The following RNASEK variants were observed in gnomAD, a reference collection of about 807,000 sequenced individuals.
RNASEK encodes the protein ribonuclease K.
RNASEK carries 7 observed loss-of-function variants against 11.2 expected under a neutral mutation model. That is an observed-to-expected ratio of 0.62 (90% confidence interval 0.35 to 1.17). The LOEUF (loss-of-function observed/expected upper bound fraction) is 1.17, where lower values mean the gene tolerates loss of function less well. Among genes scored for constraint, RNASEK ranks in the 50% most tolerant of loss-of-function variants. The pLI is 0.02. For missense variants in RNASEK, 101 were observed against 126.7 expected (o/e 0.80, Z 0.97); for synonymous variants, 46 against 49.5 (o/e 0.93, Z 0.30).
At chr17:7,012,856 G>A (rs1567722840) in intron 1 of RNASEK, 95 bp downstream of exon 1, 5 of 1,126,384 alleles carry the variant, frequency 4.4e-6, no homozygotes, top group Non-Finnish European at 6.4e-6. Context: ...CAGGCAGGCC[G>A]GAGGGGCCGG....
At chr17:7,013,304 G>A in intron 1 of RNASEK, 1 of 1,499,574 alleles carries the variant, frequency 6.7e-7, no homozygotes, top group Non-Finnish European at 8.9e-7. Flanking sequence ...GTGTAGCTGG[G>A]CCTTGTTTTC....
At position 7,014,322 on chromosome 17, in the gene RNASEK, T is replaced by G. The variant is rs753580168; in HGVS notation, c.*36T>G. The G allele has an allele frequency of 6.2e-7, 1 of 1,611,164 alleles. No individual in the cohort carries two copies. The highest frequency in any genetic ancestry group is 1.1e-5 in the South Asian group (1 of 90,832). ...CGTTTCCCCGCTCCAGCCCCTCCTC[T>G]ATTTAAAGACTCCCTGCACCGTGTC... On this transcript the variant is annotated 3_prime_UTR_variant, in exon 3 of 3. Transcript: ENST00000593646. This position sits in a 1 kb window ranked among gnomAD's most constrained non-coding sequence, Gnocchi z 4.5.
chr17:7,014,084 G>A lies in RNASEK; in HGVS notation c.156-61G>A. On this transcript the variant is annotated intron_variant, in intron 2 of 2. Transcript: ENST00000593646. This position sits in a 1 kb window ranked among gnomAD's most constrained non-coding sequence, Gnocchi z 4.5. ...CGCCTAAACAGGTGTCGGGCACATA[G>A]TGCTCAGAAAATGTTGGCTCCTATT... The A allele has an allele frequency of 5.4e-6, 8 of 1,493,230 alleles. No homozygotes were observed. The highest frequency in any genetic ancestry group is 7.3e-6 in the Non-Finnish European group (8 of 1,094,352). 92.5% of individuals were successfully genotyped at this position (1,493,230 alleles called of 1,614,324 possible).
At chr17:7,013,208 G>A in intron 1 of RNASEK, 1 of 762,352 alleles carries the variant, frequency 1.3e-6, no homozygotes, top group Non-Finnish European at 2.0e-6. Flanking sequence ...ACCCCTCAAG[G>A]TAGGAGAAAC....
Position 7,012,636 on chromosome 17 carries a change from C to G in RNASEK, c.-48C>G. 1 of 1,606,490 alleles carries G rather than the reference C, an allele frequency of 6.2e-7. No individual in the cohort carries two copies. The highest frequency in any genetic ancestry group is 1.1e-5 in the South Asian group (1 of 90,450). On this transcript the variant is annotated 5_prime_UTR_variant, in exon 1 of 3. Coordinates refer to ENST00000593646, the MANE Select transcript of RNASEK (RefSeq NM_001004333.5). ...GAGGGCATCCTGGGCTTTCTCCCAC[C>G]GCTTTCCGAGCCCGCTTGCACCTCG...
Position 7,014,382 on chromosome 17 carries a change from TGC to T in RNASEK, c.*98_*99del. The T allele has an allele frequency of 7.4e-7, 1 of 1,355,240 alleles. No homozygotes were observed. Among genetic ancestry groups the T allele is most frequent in the Non-Finnish European group, 1.0e-6 (1 of 974,082 alleles). The allele number at this position is 1,355,240 out of a possible 1,614,324, so 84.0% of individuals were successfully genotyped here. On this transcript the variant is annotated 3_prime_UTR_variant, in exon 3 of 3. Transcript: ENST00000593646. This position sits in a 1 kb window ranked among gnomAD's most constrained non-coding sequence, Gnocchi z 4.5. The stretch of plus-strand genomic sequence containing the variant: ...GCGTCCCACCCTTGCCGGCGCCCTC[TGC>T]GGGACTGGGTTTCCCGGGCGAGAGA...
intron 1 of RNASEK, 36 bp from the exon 2 acceptor site, chr17:7,013,630 C>T (rs1291454325): frequency 6.3e-7 from 1 of 1,599,336 alleles, no homozygotes; most frequent in African/African-American, 1.3e-5. Context: ...AGGTCAGGTG[C>T]CTGAATTCAA....
intron 1 of RNASEK, 76 bp downstream of exon 1, chr17:7,012,837 T>G: frequency 1.4e-6 from 2 of 1,404,358 alleles, no homozygotes; most frequent in Non-Finnish European, 2.0e-6. Context: ...GCGAGGAAAC[T>G]CTGGGCCGCA....
intron 1 of RNASEK, chr17:7,013,040 G>A: frequency 2.1e-6 from 1 of 474,324 alleles, no homozygotes; most frequent in Non-Finnish European, 3.8e-6. Flanking sequence ...CAGGAGAATC[G>A]CTTGAATCCG....
chr17:7,014,103 T>A lies in RNASEK; in HGVS notation c.156-42T>A, dbSNP rs374599731. On this transcript the variant is annotated intron_variant, in intron 2 of 2. Coordinates refer to ENST00000593646, the MANE Select transcript of RNASEK (RefSeq NM_001004333.5). The surrounding 1 kb of genome is among the most constrained non-coding windows in gnomAD (Gnocchi z 4.5). Reference sequence around the variant, plus strand: ...CACATAGTGCTCAGAAAATGTTGGCTCCTATTAAAGTTTGACCCCTTTGCT... The same window carrying A: ...CACATAGTGCTCAGAAAATGTTGGCACCTATTAAAGTTTGACCCCTTTGCT... The A allele has an allele frequency of 2.8e-4, 434 of 1,544,944 alleles. 1 individual carries two copies. In the African/African-American group the frequency reaches 5.5e-3, roughly 20 times the overall value.
At chr17:7,013,765 CG>C in intron 2 of RNASEK, 23 bp downstream of exon 2, 2 of 592,970 alleles carry the variant, frequency 3.4e-6, no homozygotes, top group Non-Finnish European at 6.4e-6. Context: ...GTGGGGGAGG[CG>C]GGCTGGGAGC....
intron 1 of RNASEK, chr17:7,013,159 G>T: frequency 1.9e-6 from 1 of 540,330 alleles, no homozygotes; most frequent in Non-Finnish European, 3.2e-6. Context: ...GGAGCGGAGG[G>T]CCCTGGAGTG....
chr17:7,014,401 GGC>G lies in RNASEK; in HGVS notation c.*117_*118del. Reference sequence around the variant, plus strand: ...GCCCTCTGCGGGACTGGGTTTCCCGGGCGAGAGACTGAATCCCTTCTCCCATC... The same window carrying G: ...GCCCTCTGCGGGACTGGGTTTCCCGGGAGAGACTGAATCCCTTCTCCCATC... On this transcript the variant is annotated 3_prime_UTR_variant, in exon 3 of 3. Coordinates refer to ENST00000593646, the MANE Select transcript of RNASEK (RefSeq NM_001004333.5). The surrounding 1 kb of genome is among the most constrained non-coding windows in gnomAD (Gnocchi z 4.5). 9.2e-7 allele frequency: 1 copy of G among 1,091,146 alleles called. No individual in the cohort carries two copies. Among genetic ancestry groups the G allele is most frequent in the Non-Finnish European group, 1.3e-6 (1 of 755,450 alleles). The allele number at this position is 1,091,146 out of a possible 1,614,324, so 67.6% of individuals were successfully genotyped here.
intron 1 of RNASEK, 188 bp from the exon 2 acceptor site, chr17:7,013,478 C>T (rs1233045235): frequency 6.4e-7 from 1 of 1,550,962 alleles, no homozygotes; most frequent in South Asian, 1.2e-5. Context: ...CTTGCCTCGA[C>T]CACTTGTCTC....
In RNASEK at chr17:7,014,495, G is replaced by C. The variant is rs1597332862; in HGVS notation, c.*209G>C. 5 of 516,402 alleles carry C rather than the reference G, an allele frequency of 9.7e-6. No homozygotes were observed. The highest frequency in any genetic ancestry group is 1.6e-5 in the Non-Finnish European group (5 of 304,184). 32.0% of individuals were successfully genotyped at this position (516,402 alleles called of 1,614,324 possible). A position where few individuals can be genotyped will look rare whatever the true frequency, so the allele number is the denominator to read the frequency against. The stretch of plus-strand genomic sequence containing the variant: ...CTGTTCCGTTTCTCCACCCTTCGCT[G>C]TGTCCCGTATCTCAATAAAGAGAAT... On this transcript the variant is annotated 3_prime_UTR_variant, in exon 3 of 3. Transcript: ENST00000593646. The surrounding 1 kb of genome is among the most constrained non-coding windows in gnomAD (Gnocchi z 4.5).
intron 1 of RNASEK, chr17:7,013,307 T>A (rs1359492242): frequency 5.3e-6 from 8 of 1,503,376 alleles, no homozygotes; most frequent in Non-Finnish European, 7.1e-6. Context: ...TAGCTGGGCC[T>A]TGTTTTCCCA....
Position 7,014,211 on chromosome 17 carries a change from C to T in RNASEK, c.222C>T (p.Gly74=). The T allele has an allele frequency of 6.2e-7, 1 of 1,608,204 alleles. No individual in the cohort carries two copies. Among genetic ancestry groups the T allele is most frequent in the Non-Finnish European group, 8.5e-7 (1 of 1,177,182 alleles). ...GCTACAACTGTTTCATCGCTGCAGG[C>T]CTTTACCTCCTCCTCGGAGGCTTCT... ...QVSYNCFIAA[G]LYLLLGGFSF... Residue 74 remains glycine (G), a synonymous_variant, in exon 3 of 3, where the codon GGC becomes GGT. Coordinates refer to ENST00000593646, the MANE Select transcript of RNASEK (RefSeq NM_001004333.5). The surrounding 1 kb of genome is among the most constrained non-coding windows in gnomAD (Gnocchi z 4.5).
chr17:7,013,299 G>A lies in RNASEK; in HGVS notation c.79-367G>A, dbSNP rs1359496496. The A allele has an allele frequency of 2.7e-6, 4 of 1,489,906 alleles. No homozygotes were observed. The Admixed American group carries it at 8.2e-5, about 31-fold the overall frequency. 92.3% of individuals were successfully genotyped at this position (1,489,906 alleles called of 1,614,324 possible). ...AGAGTGCTTGTTCCAGAAATGTGTAGCTGGGCCTTGTTTTCCCAGTAATCC... is the reference window on the plus strand; with the variant it reads ...AGAGTGCTTGTTCCAGAAATGTGTAACTGGGCCTTGTTTTCCCAGTAATCC... On this transcript the variant is annotated intron_variant, in intron 1 of 2. Transcript: ENST00000593646.
intron 1 of RNASEK, 94 bp from the exon 2 acceptor site, chr17:7,013,572 G>A (rs560161896): frequency 1.2e-6 from 2 of 1,606,166 alleles, no homozygotes; most frequent in South Asian, 1.1e-5. Context: ...CTCAGGCTCG[G>A]GTGTTGTAGC....
Sources: gnomAD v4.1 joint callset for allele counts on GRCh38, gnomAD v4.1.1 for gene constraint, Gnocchi (gnomAD v3.1) non-coding constraint, MANE v1.5 for transcripts, NCBI Gene and HGNC (gene_info 2026-07-23, HGNC 2026-07-21) for gene names.